Variants in CCND1 observed in about 807,000 individuals in gnomAD.
CCND1 encodes the protein cyclin D1.
Under a neutral mutation model 26.1 loss-of-function variants are expected in CCND1, and 9 were observed. That is an observed-to-expected ratio of 0.35 (90% CI 0.21 to 0.60). The LOEUF (loss-of-function observed/expected upper bound fraction) is 0.60. Ranked by LOEUF, CCND1 falls within the 20% of genes least tolerant of loss-of-function variation. CCND1 has a pLI of 0.79. For missense variants in CCND1, 335 were observed against 392.9 expected (o/e 0.85, Z 1.25); for synonymous variants, 194 against 166.1 (o/e 1.17, Z -1.29).
In CCND1 at chr11:69,653,127, G is replaced by T. The variant is rs111229733; in HGVS notation, c.*1845G>T. On this transcript the variant is annotated 3_prime_UTR_variant, in exon 5 of 5. Coordinates refer to ENST00000227507, the MANE Select transcript of CCND1 (RefSeq NM_053056.3). ...GAAGTGTTGAAGGGAGGTGGCAAGA[G>T]TGTGGAGGCTGACGTGTGAGGGAGG... 1.7e-6 allele frequency: 1 copy of T among 576,668 alleles called. No individual in the cohort carries two copies. Among genetic ancestry groups the T allele is most frequent in the South Asian group, 2.2e-5 (1 of 45,986 alleles). The allele number at this position is 576,668 out of a possible 1,614,324, so 35.7% of individuals were successfully genotyped here.
At chr11:69,643,584 C>G (rs1023557338) in intron 2 of CCND1, 21 of 458,970 alleles carry the variant, frequency 4.6e-5, no homozygotes, top group Non-Finnish European at 7.2e-5. Context: ...CTTTTTGTTT[C>G]CACTTGCAGA....
chr11:69,650,185 G>A (rs1231630404), intron 4 of CCND1, among the ~76,000 whole-genome samples: 2 of 152,208 alleles, frequency 1.3e-5, no homozygotes, highest in African/African-American at 4.8e-5. Context: ...CTGTTTCCTG[G>A]GCTGCCTAGA....
At chr11:69,646,402 C>CT (rs946166238) in intron 3 of CCND1, among the ~76,000 whole-genome samples, 4 of 152,154 alleles carry the variant, frequency 2.6e-5, no homozygotes, top group African/African-American at 9.7e-5. Context: ...GCGGCCCTCT[C>CT]TTTAACAAGG....
Position 69,653,912 on chromosome 11 carries a change from CTGTT to C in CCND1, c.*2635_*2638del. The C allele has an allele frequency of 1.9e-6, 1 of 522,012 alleles. No homozygotes were observed. The highest frequency in any genetic ancestry group is 2.6e-5 in the South Asian group (1 of 38,758). 32.3% of individuals were successfully genotyped at this position (522,012 alleles called of 1,614,324 possible). The stretch of plus-strand genomic sequence containing the variant: ...GTTTAATCTGTTATGTACTAGTGTT[CTGTT>C]TGTTATTGTTTTGTTAATTACACCA... On this transcript the variant is annotated 3_prime_UTR_variant, in exon 5 of 5. Coordinates refer to ENST00000227507, the MANE Select transcript of CCND1 (RefSeq NM_053056.3).
chr11:69,641,541 C>T, intron 1 of CCND1, 30 bp downstream of exon 1: 1 of 1,605,300 alleles, frequency 6.2e-7, no homozygotes. Flanking sequence ...TCTCTTAAGA[C>T]TTCCCTGCAA....
rs371387647 is a variant in CCND1 at position 69,652,073 on chromosome 11, G to T, written c.*791G>T. On this transcript the variant is annotated 3_prime_UTR_variant, in exon 5 of 5. Transcript: ENST00000227507. ...GGGCACCAGCCAGCGTAGCAGGGTCGGGAAAGGCCACCTGTCCCACTCCTA... is the reference window on the plus strand; with the variant it reads ...GGGCACCAGCCAGCGTAGCAGGGTCTGGAAAGGCCACCTGTCCCACTCCTA... 22 of 233,318 alleles carry T rather than the reference G, an allele frequency of 9.4e-5. No homozygotes were observed. Among genetic ancestry groups the T allele is most frequent in the African/African-American group, 4.2e-4 (19 of 45,412 alleles). 14.5% of individuals were successfully genotyped at this position (233,318 alleles called of 1,614,324 possible).
intron 1 of CCND1, 79 bp downstream of exon 1, chr11:69,641,590 C>T (rs1166146218): frequency 4.6e-6 from 6 of 1,315,374 alleles, no homozygotes; most frequent in Non-Finnish European, 6.5e-6. Context: ...TACTCACCCC[C>T]CTCCCTTCTC....
intron 3 of CCND1, among the ~76,000 whole-genome samples, chr11:69,647,487 C>T (rs368213797): frequency 7.9e-5 from 12 of 152,310 alleles, no homozygotes; most frequent in East Asian, 5.8e-4. Flanking sequence ...TGGCCTGGCC[C>T]GGGTGGAGGC....
rs1214959982 is a variant in CCND1, at chr11:69,641,328, C to A, written c.15C>A (p.Leu5=). MEHQ[L]LCCEVETIRR... Reference sequence around the variant, plus strand: ...GAGCCCCAGCCATGGAACACCAGCTCCTGTGCTGCGAAGTGGAAACCATCC... The same window carrying A: ...GAGCCCCAGCCATGGAACACCAGCTACTGTGCTGCGAAGTGGAAACCATCC... Residue 5 remains leucine, a synonymous_variant, in exon 1 of 5, where the codon CTC becomes CTA. Transcript: ENST00000227507. 5.6e-6 allele frequency: 9 copies of A among 1,612,440 alleles called. No homozygotes were observed. Among genetic ancestry groups the A allele is most frequent in the Non-Finnish European group, 7.6e-6 (9 of 1,180,014 alleles).
rs1173908293 is a variant in CCND1 at position 69,643,968 on chromosome 11, C to T, written c.551C>T (p.Thr184Ile). 1 of 1,613,430 alleles carries T rather than the reference C, an allele frequency of 6.2e-7. No individual in the cohort carries two copies. The highest frequency in any genetic ancestry group is 8.5e-7 in the Non-Finnish European group (1 of 1,180,020). The change falls in exon 3 of 5, where the codon ACC (threonine) becomes ATC (isoleucine). Residue 184 changes from threonine (T) to isoleucine (I), a missense_variant. By Grantham distance (89) the Thr-to-Ile change is moderately conservative. Coordinates refer to ENST00000227507, the MANE Select transcript of CCND1 (RefSeq NM_053056.3). ...CAGATCATCCGCAAACACGCGCAGA[C>T]CTTCGTTGCCCTCTGTGCCACAGGT... Reference protein sequence around the residue: ...NKQIIRKHAQTFVALCATDVK... With the variant: ...NKQIIRKHAQIFVALCATDVK...
At chr11:69,646,885 G>A (rs892809911) in intron 3 of CCND1, among the ~76,000 whole-genome samples, 1 of 152,226 alleles carries the variant, frequency 6.6e-6, no homozygotes, top group Non-Finnish European at 1.5e-5. Context: ...GCCCACTACT[G>A]CAGCCTGGCA....
In CCND1 at chr11:69,653,409, C is replaced by A; in HGVS notation, c.*2127C>A. ...TCTTAGAACATTGTATTACAGATGC[C>A]TTTTTTGTAGTTTTTTTTTTTTTTA... On this transcript the variant is annotated 3_prime_UTR_variant, in exon 5 of 5. Transcript: ENST00000227507. 1 of 616,960 alleles carries A rather than the reference C, an allele frequency of 1.6e-6. No homozygotes were observed. Among genetic ancestry groups the A allele is most frequent in the African/African-American group, 1.9e-5 (1 of 51,992 alleles). The allele number at this position is 616,960 out of a possible 1,614,324, so 38.2% of individuals were successfully genotyped here.
intron 4 of CCND1, among the ~76,000 whole-genome samples, chr11:69,650,025 G>A (rs649392): frequency 0.51 from 78,215 of 152,038 alleles, 20,906 homozygotes; most frequent in East Asian, 0.88. Flanking sequence ...CTAAAATGTC[G>A]TGACCTCAGT....
At chr11:69,651,029 C>A in intron 4 of CCND1, 89 bp from the exon 5 acceptor site, 1 of 1,310,522 alleles carries the variant, frequency 7.6e-7, no homozygotes, top group South Asian at 1.4e-5. Flanking sequence ...ATAAAGGCTT[C>A]CGGGTCATGG....
In CCND1 at chr11:69,643,884, C is replaced by T. The variant is rs1565225289; in HGVS notation, c.467C>T (p.Thr156Ile). ...NKLKWNLAAM[T>I]PHDFIEHFLS... ...CTCAAGTGGAACCTGGCCGCAATGA[C>T]CCCGCACGATTTCATTGAACACTTC... The change falls in exon 3 of 5, where the codon ACC (threonine) becomes ATC (isoleucine). Residue 156 changes from threonine to isoleucine, a missense_variant. Thr to Ile is a moderately conservative substitution (Grantham distance 89). Transcript: ENST00000227507. 6.2e-7 allele frequency: 1 copy of T among 1,613,622 alleles called. No homozygotes were observed. Among genetic ancestry groups the T allele is most frequent in the African/African-American group, 1.3e-5 (1 of 75,080 alleles).
chr11:69,654,281 G>A lies in CCND1; in HGVS notation c.*2999G>A. 2 of 702,610 alleles carry A rather than the reference G, an allele frequency of 2.8e-6. No homozygotes were observed. 43.5% of individuals were successfully genotyped at this position (702,610 alleles called of 1,614,324 possible). On this transcript the variant is annotated 3_prime_UTR_variant, in exon 5 of 5. Transcript: ENST00000227507. This position sits in a 1 kb window ranked among gnomAD's most constrained non-coding sequence, Gnocchi z 6.3. ...GTGTGTATCGAGAGGCCAAAGGCTGGTGGCAAGTGCACGGGGCACAGCGGA... is the reference window on the plus strand; with the variant it reads ...GTGTGTATCGAGAGGCCAAAGGCTGATGGCAAGTGCACGGGGCACAGCGGA...
In CCND1 at chr11:69,652,772, A is replaced by G. The variant is rs1248403804; in HGVS notation, c.*1490A>G. On this transcript the variant is annotated 3_prime_UTR_variant, in exon 5 of 5. Coordinates refer to ENST00000227507, the MANE Select transcript of CCND1 (RefSeq NM_053056.3). Reference sequence around the variant, plus strand: ...AATGCAATCTCCCCTTGATTTAAACACACAGATACACACACACACACACAC... The same window carrying G: ...AATGCAATCTCCCCTTGATTTAAACGCACAGATACACACACACACACACAC... The G allele has an allele frequency of 7.8e-6, 1 of 128,780 alleles. No individual in the cohort carries two copies. Among genetic ancestry groups the G allele is most frequent in the African/African-American group, 4.5e-5 (1 of 22,026 alleles). The allele number at this position is 128,780 out of a possible 1,614,324, so 8.0% of individuals were successfully genotyped here. A position where few individuals can be genotyped will look rare whatever the true frequency, so the allele number is the denominator to read the frequency against.
rs1403490211 is a variant in CCND1, at chr11:69,653,237, T to G, written c.*1955T>G. 2 of 700,796 alleles carry G rather than the reference T, an allele frequency of 2.9e-6. No individual in the cohort carries two copies. The allele number at this position is 700,796 out of a possible 1,614,324, so 43.4% of individuals were successfully genotyped here. A position where few individuals can be genotyped will look rare whatever the true frequency, so the allele number is the denominator to read the frequency against. ...GGGACAGGCCGCAGCTCCATTTTCT[T>G]ATTGCGCTGCTACCGTTGACTTCCA... On this transcript the variant is annotated 3_prime_UTR_variant, in exon 5 of 5. Coordinates refer to ENST00000227507, the MANE Select transcript of CCND1 (RefSeq NM_053056.3).
At chr11:69,650,229 C>T (rs1367084213) in intron 4 of CCND1, among the ~76,000 whole-genome samples, 1 of 152,210 alleles carries the variant, frequency 6.6e-6, no homozygotes, top group East Asian at 1.9e-4. Context: ...GGCTTCCTGG[C>T]AGTTGGGACA....
Sources: gnomAD v4.1 joint callset for allele counts (sites outside exome capture counted in the v4.1 genomes callset) on GRCh38, gnomAD v4.1.1 for gene constraint, Gnocchi (gnomAD v3.1) non-coding constraint, MANE v1.5 for transcripts, NCBI Gene and HGNC (gene_info 2026-07-23, HGNC 2026-07-21) for gene names.